The following ANO1 variants were observed in gnomAD, a reference collection of about 807,000 sequenced individuals.
The protein encoded by ANO1 is anoctamin 1.
Under a neutral mutation model 124.0 loss-of-function variants are expected in ANO1, and 59 were observed. The observed-to-expected ratio is 0.48, with a 90% CI of 0.39 to 0.59. The LOEUF is 0.59. Among genes scored for constraint, ANO1 ranks in the 20% least tolerant of loss-of-function variants. The pLI, the probability that ANO1 is intolerant of heterozygous loss-of-function variation, is 0.00. For missense variants in ANO1, 1,059 were observed against 1,328.0 expected, an observed-to-expected ratio of 0.80 and a Z score of 3.15; for synonymous variants, 529 against 532.0, an observed-to-expected ratio of 0.99 and a Z score of 0.08.
intron 16 of ANO1, 76 bp from the exon 17 acceptor site, chr11:70,161,085 T>TG: frequency 1.5e-6 from 2 of 1,355,292 alleles, no homozygotes; most frequent in Non-Finnish European, 2.0e-6. Flanking sequence ...ACAGCTGGAC[T>TG]GAGGGAGCAG....
intron 1 of ANO1, among the ~76,000 whole-genome samples, chr11:70,052,388 C>A (rs7942775): frequency 0.23 from 35,044 of 151,954 alleles, 4,784 homozygotes; most frequent in South Asian, 0.33. Context: ...TGGCCTTTGG[C>A]ATTTCCACAT....
rs2044829970 is a variant in ANO1 at position 70,095,291 on chromosome 11, G to GGAAGGAAGGAAGGAAGGAAGGAAA, written c.441+7218_441+7219insGGAAGGAAGGAAAGAAGGAAGGAA. On this transcript the variant is annotated intron_variant, in intron 2 of 25. Coordinates refer to ENST00000355303, the MANE Select transcript of ANO1 (RefSeq NM_018043.7). ...AGGAAGGAAGGAAGGAAGGAAGGAA[G>GGAAGGAAGGAAGGAAGGAAGGAAA]GAAGGAAGGAAAGAAAGAAAGAAAG... Among the ~76,000 whole-genome samples the GGAAGGAAGGAAGGAAGGAAGGAAA allele has an allele frequency of 2.7e-5, 2 of 75,280 alleles. 1 individual carries two copies. The highest frequency in any genetic ancestry group is 1.0e-4 in the African/African-American group (2 of 19,542). The allele number at this position is 75,280 out of a possible 152,430, so 49.4% of individuals were successfully genotyped here.
chr11:70,032,355 C>G (rs938109800), intron 1 of ANO1, among the ~76,000 whole-genome samples: 2 of 152,086 alleles, frequency 1.3e-5, no homozygotes, highest in East Asian at 1.9e-4. Flanking sequence ...CGGGGAGAGG[C>G]GGGTGCAGGC....
intron 1 of ANO1, among the ~76,000 whole-genome samples, chr11:70,060,703 G>T (rs1218095297): frequency 6.6e-6 from 1 of 152,212 alleles, no homozygotes; most frequent in Non-Finnish European, 1.5e-5. Flanking sequence ...TATTAAAGCG[G>T]CAGCTGCCAC....
At chr11:70,095,248 AAAGGAAGGAAGGAAGGAAGGAAGG>A (rs71046578) in intron 2 of ANO1, among the ~76,000 whole-genome samples, 2 of 36,990 alleles carry the variant, frequency 5.4e-5, no homozygotes, top group African/African-American at 2.2e-4. Context: ...AAAGAAAAAG[AAAGGAAGGAAGGAAGGAAGGAAGG>A]AAGGAAGGAA....
At chr11:70,101,585 CAAAAAA>C (rs71463659) in intron 2 of ANO1, among the ~76,000 whole-genome samples, 3 of 75,896 alleles carry the variant, frequency 4.0e-5, no homozygotes, top group Non-Finnish European at 7.2e-5. Context: ...GATTAAAAAC[CAAAAAA>C]AAAAAAAAAA....
Position 70,163,302 on chromosome 11 carries a change from G to A in ANO1, c.1912G>A (p.Asp638Asn), listed in dbSNP as rs189334283. The A allele has an allele frequency of 7.4e-6, 12 of 1,613,832 alleles. No individual in the cohort carries two copies. The highest frequency in any genetic ancestry group is 6.6e-5 in the South Asian group (6 of 91,030). ...FKGRFVGRPG[D>N]YVYIFRSFRM... is the part of the protein sequence containing the mutation. ...TTTCAGGTTTGTTGGACGCCCGGGC[G>A]ACTACGTGTACATTTTCCGTTCCTT... Residue 638 changes from aspartate (D) to asparagine (N), a missense_variant, in exon 19 of 26, where the codon GAC (aspartate) becomes AAC (asparagine). Asp to Asn is a conservative substitution (Grantham distance 23). Coordinates refer to ENST00000355303, the MANE Select transcript of ANO1 (RefSeq NM_018043.7).
intron 1 of ANO1, among the ~76,000 whole-genome samples, chr11:70,062,667 G>A (rs1227509235): frequency 4.6e-5 from 7 of 152,120 alleles, no homozygotes; most frequent in African/African-American, 9.7e-5. Flanking sequence ...TGGCATCACC[G>A]TCACCTGTGT....
At chr11:69,981,527 G>C (rs1249482159), upstream of ANO1, among the ~76,000 whole-genome samples, 1 of 152,248 alleles carries the variant, frequency 6.6e-6, no homozygotes, top group African/African-American at 2.4e-5. Flanking sequence ...CCCTCTGCAA[G>C]TTTAGCCTGC....
intron 21 of ANO1, among the ~76,000 whole-genome samples, chr11:70,169,623 C>T (rs1227385129): frequency 6.6e-6 from 1 of 152,138 alleles, no homozygotes; most frequent in South Asian, 2.1e-4. Context: ...GCACACACCG[C>T]CCCACATAAG....
At chr11:70,095,394 G>GAA (rs1485851785) in intron 2 of ANO1, among the ~76,000 whole-genome samples, 30 of 38,224 alleles carry the variant, frequency 7.8e-4, no homozygotes, top group Admixed American at 2.3e-3. Context: ...AAGAAAGAAA[G>GAA]AAAGAAAGAA....
chr11:70,053,955 A>G (rs1428387954), intron 1 of ANO1, among the ~76,000 whole-genome samples: 2 of 152,194 alleles, frequency 1.3e-5, no homozygotes, highest in Admixed American at 6.5e-5. Context: ...AGATTTTCCA[A>G]TGTATTTGAA....
intron 11 of ANO1, among the ~76,000 whole-genome samples, chr11:70,139,625 G>A (rs1370609694): frequency 6.6e-6 from 1 of 152,116 alleles, no homozygotes; most frequent in Non-Finnish European, 1.5e-5. Flanking sequence ...CGCCCGGCCT[G>A]CACCAAATAT....
At chr11:70,129,450 T>G (rs951827432) in intron 10 of ANO1, 1 of 152,214 alleles carries the variant, frequency 6.6e-6, no homozygotes, top group Non-Finnish European at 1.5e-5. Context: ...CAGAGCTAGC[T>G]GACCGTAGAG....
At chr11:70,118,138 T>C (rs1421435828) in intron 8 of ANO1, among the ~76,000 whole-genome samples, 1 of 151,616 alleles carries the variant, frequency 6.6e-6, no homozygotes, top group East Asian at 1.9e-4. Context: ...ACACCAGTAG[T>C]CCCTTTCTAG....
rs568875817 is a variant in ANO1, at chr11:70,007,498, G to A, written c.58+21332G>A. 6.6e-5 allele frequency among the ~76,000 whole-genome samples: 10 copies of A among 152,142 alleles called. No individual in the cohort carries two copies. In the East Asian group the frequency reaches 1.9e-3, roughly 29 times the overall value. ...TCACCATGTTAGCCAGGATGGTCTC[G>A]ATCTCCTGACCTCGTGATCCGCCGG... is the stretch of plus-strand genomic sequence containing the variant. On this transcript the variant is annotated intron_variant, in intron 1 of 27. Transcript: ENST00000531349.
At chr11:70,144,162 C>A (rs1385466952) in intron 11 of ANO1, among the ~76,000 whole-genome samples, 1 of 152,130 alleles carries the variant, frequency 6.6e-6, no homozygotes, top group Non-Finnish European at 1.5e-5. Flanking sequence ...CATAAATATT[C>A]TGGGTATTTT....
At chr11:70,156,479 G>A (rs901937074) in intron 15 of ANO1, among the ~76,000 whole-genome samples, 3 of 152,188 alleles carry the variant, frequency 2.0e-5, no homozygotes, top group South Asian at 4.1e-4. Flanking sequence ...CGCAGACGAC[G>A]TTTTAACTTG....
At chr11:70,109,808 CCTGGGGACACAGGGTCT>C (rs1385560975) in intron 6 of ANO1, among the ~76,000 whole-genome samples, 3 of 152,160 alleles carry the variant, frequency 2.0e-5, no homozygotes, top group Non-Finnish European at 4.4e-5. Context: ...TCGGGTGGTC[CCTGGGGACACAGGGTCT>C]CTGTGTTCCC....
Sources: gnomAD v4.1 joint callset for allele counts (sites outside exome capture counted in the v4.1 genomes callset) on GRCh38, gnomAD v4.1.1 for gene constraint, MANE v1.5 for transcripts, NCBI Gene and HGNC (gene_info 2026-07-23, HGNC 2026-07-21) for gene names.